Variants in PABPC4L observed in about 807,000 individuals in gnomAD.
PABPC4L encodes the protein poly(A) binding protein cytoplasmic 4 like.
For missense variants in PABPC4L, 452 were observed against 451.4 expected (o/e 1.00, Z -0.01); for synonymous variants, 169 against 164.1 (o/e 1.03, Z -0.23).
chr4:134,046,709 C>A, the PABPC4L span, among the ~76,000 whole-genome samples: 1 of 152,124 alleles, frequency 6.6e-6, no homozygotes, highest in African/African-American at 2.4e-5. Flanking sequence ...CATTGTGCCC[C>A]TGGTTAATTG....
At chr4:134,084,516 T>C in the PABPC4L span, among the ~76,000 whole-genome samples, 1 of 152,158 alleles carries the variant, frequency 6.6e-6, no homozygotes, top group Non-Finnish European at 1.5e-5. Flanking sequence ...AAAAGATTAT[T>C]TAGAAAATAC....
At chr4:134,031,797 G>T in the PABPC4L span, among the ~76,000 whole-genome samples, 1 of 151,810 alleles carries the variant, frequency 6.6e-6, no homozygotes, top group South Asian at 2.1e-4. Flanking sequence ...AAATCATTTT[G>T]CAATGGAGAA....
At chr4:133,950,118 C>A in the PABPC4L span, among the ~76,000 whole-genome samples, 4 of 152,144 alleles carry the variant, frequency 2.6e-5, no homozygotes, top group African/African-American at 4.8e-5. Flanking sequence ...ATGTGTAAAA[C>A]TTCCATAATT....
chr4:134,166,355 A>G, the PABPC4L span, among the ~76,000 whole-genome samples: 5 of 152,220 alleles, frequency 3.3e-5, no homozygotes, highest in Non-Finnish European at 5.9e-5. Context: ...AATCAATACC[A>G]TAGAAATAAA....
chr4:133,952,522 A>G, the PABPC4L span, among the ~76,000 whole-genome samples: 1 of 152,138 alleles, frequency 6.6e-6, no homozygotes. Flanking sequence ...GGTGACATGC[A>G]GGGTTCCAAT....
At chr4:134,086,629 T>A in the PABPC4L span, among the ~76,000 whole-genome samples, 1 of 152,038 alleles carries the variant, frequency 6.6e-6, no homozygotes, top group Admixed American at 6.6e-5. Context: ...CCAGAATATT[T>A]TTGGCCATGC....
the PABPC4L span, among the ~76,000 whole-genome samples, chr4:134,086,862 T>C: frequency 6.6e-6 from 1 of 152,018 alleles, no homozygotes; most frequent in African/African-American, 2.4e-5. Flanking sequence ...GCAGGTTAGT[T>C]ACATATGTAT....
the PABPC4L span, among the ~76,000 whole-genome samples, chr4:134,091,260 T>A: frequency 6.6e-6 from 1 of 152,088 alleles, no homozygotes; most frequent in East Asian, 1.9e-4. Context: ...ACTTAACTTT[T>A]ATTGCCACTG....
the PABPC4L span, among the ~76,000 whole-genome samples, chr4:134,088,239 T>A: frequency 0.19 from 28,335 of 152,066 alleles, 3,275 homozygotes; most frequent in Admixed American, 0.25. Context: ...TTTAAAATCA[T>A]GTGGCCTCCA....
At chr4:134,115,417 G>T in the PABPC4L span, among the ~76,000 whole-genome samples, 2 of 151,728 alleles carry the variant, frequency 1.3e-5, no homozygotes, top group Non-Finnish European at 2.9e-5. Flanking sequence ...AGATAAGAAA[G>T]AATTTGAGAG....
At chr4:134,143,868 A>G in the PABPC4L span, among the ~76,000 whole-genome samples, 1 of 151,692 alleles carries the variant, frequency 6.6e-6, no homozygotes, top group South Asian at 2.1e-4. Context: ...ACCACTATGA[A>G]AATAGAAAGG....
the PABPC4L span, among the ~76,000 whole-genome samples, chr4:134,042,212 T>C: frequency 3.3e-5 from 5 of 152,274 alleles, no homozygotes; most frequent in South Asian, 1.0e-3. Context: ...AGATACTGCA[T>C]GTTCTCCCTT....
the PABPC4L span, among the ~76,000 whole-genome samples, chr4:133,961,130 C>G: frequency 2.6e-5 from 4 of 152,108 alleles, no homozygotes; most frequent in African/African-American, 9.7e-5. Context: ...CATTAAACCA[C>G]AAAAGCTAAG....
At chr4:134,092,261 C>G in the PABPC4L span, among the ~76,000 whole-genome samples, 1 of 151,994 alleles carries the variant, frequency 6.6e-6, no homozygotes, top group African/African-American at 2.4e-5. Flanking sequence ...CCTATAAAAA[C>G]CCCAAACTCC....
chr4:134,098,010 G>A, the PABPC4L span, among the ~76,000 whole-genome samples: 2 of 151,312 alleles, frequency 1.3e-5, no homozygotes, highest in Admixed American at 1.3e-4. Flanking sequence ...TATTAAATGA[G>A]ATCTTATTCA....
At chr4:133,970,897 T>C in the PABPC4L span, among the ~76,000 whole-genome samples, 12 of 152,162 alleles carry the variant, frequency 7.9e-5, no homozygotes, top group Non-Finnish European at 1.8e-4. Context: ...TACCTTGTCC[T>C]GGAACTTCCC....
chr4:134,092,075 T>C, the PABPC4L span, among the ~76,000 whole-genome samples: 1 of 152,142 alleles, frequency 6.6e-6, no homozygotes, highest in East Asian at 1.9e-4. Flanking sequence ...CTGTTTGGTG[T>C]TTGTGATACA....
chr4:134,112,871 A>G, the PABPC4L span, among the ~76,000 whole-genome samples: 798 of 152,032 alleles, frequency 5.2e-3, 9 homozygotes, highest in African/African-American at 0.018. Context: ...AGGCATTGTC[A>G]TAGGAGATGA....
the PABPC4L span, among the ~76,000 whole-genome samples, chr4:133,979,223 T>G: frequency 6.6e-6 from 1 of 152,144 alleles, no homozygotes; most frequent in Non-Finnish European, 1.5e-5. Context: ...GAACAAAAAT[T>G]TCTAAGTCTA....
Sources: allele counts gnomAD v4.1 joint callset (sites outside exome capture counted in the v4.1 genomes callset), GRCh38; gene constraint gnomAD v4.1.1; transcripts MANE v1.5; gene names NCBI Gene and HGNC (gene_info 2026-07-23, HGNC 2026-07-21).